GRAMD4: variants seen among roughly 807,000 people sequenced by gnomAD.
GRAMD4 encodes the protein GRAM domain-containing protein 4.
A neutral mutation model predicts 83.9 loss-of-function variants in GRAMD4; 25 were observed. That is an observed-to-expected ratio of 0.30 (90% CI 0.22 to 0.42). GRAMD4 has a LOEUF of 0.42. GRAMD4 is among the 10% of genes least tolerant of loss of function. GRAMD4 has a pLI of 1.00. For synonymous variants in GRAMD4, 336 were observed against 320.9 expected (o/e 1.05, Z -0.50); for missense variants, 593 against 788.7 (o/e 0.75, Z 2.97).
At chr22:46,593,517 G>T (rs1394545980) in intron 1 of GRAMD4, among the ~76,000 whole-genome samples, 1 of 152,138 alleles carries the variant, frequency 6.6e-6, no homozygotes, top group Non-Finnish European at 1.5e-5. Flanking sequence ...CGGGCGGGCA[G>T]AGGTGGGCTA....
At chr22:46,642,615 C>T (rs1904609915) in intron 3 of GRAMD4, among the ~76,000 whole-genome samples, 1 of 152,172 alleles carries the variant, frequency 6.6e-6, no homozygotes, top group Non-Finnish European at 1.5e-5. Context: ...GGGCTTGTCC[C>T]ACTAGAAAGG....
chr22:46,666,763 C>A (rs1366552214), intron 9 of GRAMD4, 62 bp from the exon 10 acceptor site: 2 of 1,410,808 alleles, frequency 1.4e-6, no homozygotes, highest in Non-Finnish European at 1.0e-6. Context: ...GCCAGCGATT[C>A]GATGCCTTCC....
Position 46,624,158 on chromosome 22 carries a change from G to T in GRAMD4, c.-49-2593G>T, listed in dbSNP as rs147231763. On this transcript the variant is annotated intron_variant, in intron 1 of 18. Coordinates refer to ENST00000406902, the MANE Select transcript of GRAMD4 (RefSeq NM_015124.5). ...TTACCTGTATTCCTTGTTTTATAGC[G>T]TATTTTGACATTTTTTACTTTCTTT... is the stretch of plus-strand genomic sequence containing the variant. Among the ~76,000 whole-genome samples the T allele has an allele frequency of 4.9e-3, 746 of 150,990 alleles. 4 individuals are homozygous for T. The highest frequency in any genetic ancestry group is 0.017 in the African/African-American group (700 of 41,174).
chr22:46,637,390 C>A (rs1470779843), intron 2 of GRAMD4, among the ~76,000 whole-genome samples: 1 of 151,962 alleles, frequency 6.6e-6, no homozygotes, highest in Non-Finnish European at 1.5e-5. Context: ...GTAGCTGGGA[C>A]TACAGGTGCC....
rs549987308 is a variant in GRAMD4, at chr22:46,653,457, G to A, written c.284-4730G>A. Among the ~76,000 whole-genome samples, 53 of 152,326 alleles carry A rather than the reference G, an allele frequency of 3.5e-4. 1 individual carries two copies. In the South Asian group the frequency reaches 9.9e-3, roughly 29 times the overall value. On this transcript the variant is annotated intron_variant, in intron 3 of 18. Transcript: ENST00000406902. ...GACCTCTGAACCCAGGCTTGTGAGT[G>A]TGCTTTTTCACACAGGCAGGCATGA...
chr22:46,617,639 G>A (rs992179397), upstream of GRAMD4, among the ~76,000 whole-genome samples: 12 of 152,138 alleles, frequency 7.9e-5, no homozygotes, highest in African/African-American at 2.7e-4. Context: ...GGAGACTCAC[G>A]TAGGCATCTC....
intron 3 of GRAMD4, among the ~76,000 whole-genome samples, chr22:46,655,902 C>G (rs1156357821): frequency 8.9e-6 from 1 of 112,470 alleles, no homozygotes; most frequent in Non-Finnish European, 1.9e-5. Context: ...CTGGCCATGT[C>G]AGCGGGTCGG....
At chr22:46,617,308 C>T (rs551593423), upstream of GRAMD4, among the ~76,000 whole-genome samples, 9 of 150,994 alleles carry the variant, frequency 6.0e-5, no homozygotes, top group African/African-American at 2.0e-4. Flanking sequence ...ATGTAGGTTC[C>T]CCTGTGTGTA....
rs555737013 is a variant in GRAMD4 at position 46,578,097 on chromosome 22, G to A, written c.-50+807G>A. On this transcript the variant is annotated intron_variant, in intron 1 of 1. Coordinates refer to the GRAMD4 transcript ENST00000431155. ...CTGAGTGTGACTCCCCCAGAGCCAA[G>A]TCCACTTTTTCGGCTATTGTCAACC... is the stretch of plus-strand genomic sequence containing the variant. Among the ~76,000 whole-genome samples the A allele has an allele frequency of 1.9e-4, 29 of 152,316 alleles. 1 individual carries two copies. The highest frequency in any genetic ancestry group is 7.0e-4 in the African/African-American group (29 of 41,568).
At chr22:46,589,742 C>T (rs372933942) in intron 1 of GRAMD4, among the ~76,000 whole-genome samples, 329 of 152,234 alleles carry the variant, frequency 2.2e-3, no homozygotes, top group African/African-American at 7.7e-3. Flanking sequence ...GGATCCTTAA[C>T]TCTTCTGGCC....
At chr22:46,638,057 A>G (rs1191802088) in intron 3 of GRAMD4, 97 bp downstream of exon 3, 1 of 1,309,230 alleles carries the variant, frequency 7.6e-7, no homozygotes, top group African/African-American at 1.5e-5. Flanking sequence ...GGTCTGGTGA[A>G]GACCCACGCA....
chr22:46,678,553 C>CGCGGGCCT lies in GRAMD4; in HGVS notation c.*1306_*1313dup. On this transcript the variant is annotated 3_prime_UTR_variant, in exon 19 of 19. Coordinates refer to ENST00000406902, the MANE Select transcript of GRAMD4 (RefSeq NM_015124.5). Reference sequence around the variant, plus strand: ...GCCTCCTGGAAGGAGGTGGCCACCCCGCGGGCCTGCGTGTCTGCTGGGGCG... The same window carrying CGCGGGCCT: ...GCCTCCTGGAAGGAGGTGGCCACCCCGCGGGCCTGCGGGCCTGCGTGTCTGCTGGGGCG... The CGCGGGCCT allele has an allele frequency of 1.0e-6, 1 of 985,418 alleles. No individual in the cohort carries two copies. Among genetic ancestry groups the CGCGGGCCT allele is most frequent in the African/African-American group, 1.7e-5 (1 of 57,368 alleles). The allele number at this position is 985,418 out of a possible 1,614,324, so 61.0% of individuals were successfully genotyped here.
chr22:46,667,925 A>T (rs2082434722), intron 10 of GRAMD4, among the ~76,000 whole-genome samples, 171 bp from the exon 11 acceptor site: 1 of 152,208 alleles, frequency 6.6e-6, no homozygotes, highest in Non-Finnish European at 1.5e-5. Context: ...TGTCACCATC[A>T]GCCCATAGGG....
chr22:46,663,319 G>A, intron 6 of GRAMD4, 147 bp downstream of exon 6: 1 of 785,948 alleles, frequency 1.3e-6, no homozygotes, highest in South Asian at 1.7e-5. Flanking sequence ...GCTGTGTCTG[G>A]TCTTCTGGGG....
chr22:46,682,477 G>C (rs1320628104), downstream of GRAMD4: 1 of 980,226 alleles, frequency 1.0e-6, no homozygotes, highest in Non-Finnish European at 1.2e-6. Flanking sequence ...CCGTGAAGAA[G>C]CTCTCGAAGA....
chr22:46,637,977 G>A lies in GRAMD4; in HGVS notation c.283+17G>A, dbSNP rs764803035. On this transcript the variant is annotated intron_variant, in intron 3 of 18. Coordinates refer to ENST00000406902, the MANE Select transcript of GRAMD4 (RefSeq NM_015124.5). ...ATTTCTTACGTGAGTACCAGAAAGCGCTTGGAGGGGATGGGACAAGGTGGG... is the reference window on the plus strand; with the variant it reads ...ATTTCTTACGTGAGTACCAGAAAGCACTTGGAGGGGATGGGACAAGGTGGG... 1.2e-5 allele frequency: 19 copies of A among 1,611,788 alleles called. No homozygotes were observed. The highest frequency in any genetic ancestry group is 1.2e-4 in the Admixed American group (7 of 59,932).
At chr22:46,673,537 G>A in intron 14 of GRAMD4, 133 bp from the exon 15 acceptor site, 1 of 1,132,286 alleles carries the variant, frequency 8.8e-7, no homozygotes, top group Non-Finnish European at 1.3e-6. Flanking sequence ...GCCGCTCTGG[G>A]CCGGAAGGGA....
intron 5 of GRAMD4, among the ~76,000 whole-genome samples, chr22:46,661,695 A>G (rs2082330336): frequency 6.6e-6 from 1 of 152,226 alleles, no homozygotes; most frequent in Admixed American, 6.5e-5. Flanking sequence ...CAGTCACTCA[A>G]CTAAAGCGTG....
chr22:46,638,490 G>A (rs1439085699), intron 3 of GRAMD4, among the ~76,000 whole-genome samples: 1 of 152,222 alleles, frequency 6.6e-6, no homozygotes, highest in Non-Finnish European at 1.5e-5. Context: ...CTGCAGCAGT[G>A]AGAATGGCAG....
Sources: gnomAD v4.1 joint callset for allele counts (sites outside exome capture counted in the v4.1 genomes callset) on GRCh38, gnomAD v4.1.1 for gene constraint, MANE v1.5 for transcripts, NCBI Gene and HGNC (gene_info 2026-07-23, HGNC 2026-07-21) for gene names.